Variants in PCP4L1 observed in about 807,000 individuals in gnomAD.
PCP4L1 encodes the protein Purkinje cell protein 4 like 1, also known as Purkinje cell protein 4-like protein 1.
Under a neutral mutation model 9.6 loss-of-function variants are expected in PCP4L1, and 9 were observed. The observed-to-expected ratio is 0.94, with a 90% CI of 0.57 to 1.64. The LOEUF (loss-of-function observed/expected upper bound fraction) is 1.64, where lower values mean the gene tolerates loss of function less well. PCP4L1 is among the 40% of genes most tolerant of loss of function. The probability of loss-of-function intolerance (pLI) is 0.00; values close to 1 mark genes in which losing one functional copy is unlikely to be tolerated. For synonymous variants in PCP4L1, 31 were observed against 28.2 expected (o/e 1.10, Z -0.31); for missense variants, 81 against 80.8 (o/e 1.00, Z -0.01).
chr1:161,275,949 C>A (rs1669692056), intron 1 of PCP4L1, among the ~76,000 whole-genome samples: 1 of 152,014 alleles, frequency 6.6e-6, no homozygotes, highest in Non-Finnish European at 1.5e-5. Flanking sequence ...TTGCCTGCCA[C>A]CACGCCCAGC....
At chr1:161,260,985 G>T (rs923459080) in intron 1 of PCP4L1, among the ~76,000 whole-genome samples, 1 of 152,088 alleles carries the variant, frequency 6.6e-6, no homozygotes, top group Non-Finnish European at 1.5e-5. Context: ...GCTTCTCTAG[G>T]GGCCGAGATC....
At chr1:161,275,527 A>G (rs954972400) in intron 1 of PCP4L1, among the ~76,000 whole-genome samples, 1 of 151,762 alleles carries the variant, frequency 6.6e-6, no homozygotes, top group African/African-American at 2.4e-5. Context: ...AAAAAAAAAA[A>G]AAAAAAAGAA....
At chr1:161,272,850 C>A (rs1371188556) in intron 1 of PCP4L1, among the ~76,000 whole-genome samples, 1 of 151,898 alleles carries the variant, frequency 6.6e-6, no homozygotes, top group Non-Finnish European at 1.5e-5. Flanking sequence ...GATGGAAGGA[C>A]AAGACATCAT....
At position 161,285,217 on chromosome 1, in the gene PCP4L1, A is replaced by T. The variant is rs927602366; in HGVS notation, c.*736A>T. On this transcript the variant is annotated 3_prime_UTR_variant, in exon 3 of 3. Transcript: ENST00000504449. ...AAGGGGGAAATCTCTGAATTTTTTT[A>T]CTGCTGGGAAAAGTGTACTACATGA... The T allele has an allele frequency of 7.9e-5, 12 of 152,352 alleles. No individual in the cohort carries two copies. Among genetic ancestry groups the T allele is most frequent in the African/African-American group, 2.9e-4 (12 of 41,408 alleles). The allele number at this position is 152,352 out of a possible 1,614,324, so 9.4% of individuals were successfully genotyped here. A position where few individuals can be genotyped will look rare whatever the true frequency, so the allele number is the denominator to read the frequency against.
intron 1 of PCP4L1, among the ~76,000 whole-genome samples, chr1:161,268,322 C>T (rs1173662350): frequency 3.3e-5 from 5 of 152,014 alleles, no homozygotes; most frequent in East Asian, 1.9e-4. Context: ...CAGGGCCCTT[C>T]GAGCAATCCC....
At chr1:161,281,225 T>C (rs2102241806) in intron 1 of PCP4L1, among the ~76,000 whole-genome samples, 1 of 151,782 alleles carries the variant, frequency 6.6e-6, no homozygotes, top group African/African-American at 2.4e-5. Flanking sequence ...AAATGAAAAG[T>C]CTCCCATGTC....
chr1:161,278,772 TG>T (rs1450429288), intron 1 of PCP4L1, among the ~76,000 whole-genome samples: 1 of 152,150 alleles, frequency 6.6e-6, no homozygotes, highest in East Asian at 1.9e-4. Flanking sequence ...CCAGCCATGA[TG>T]GTCTTTCTTT....
At chr1:161,259,796 A>G (rs1447555580) in intron 1 of PCP4L1, among the ~76,000 whole-genome samples, 2 of 152,222 alleles carry the variant, frequency 1.3e-5, no homozygotes, top group Admixed American at 6.5e-5. Context: ...CAGTCTGGTT[A>G]GTGGCATCAC....
In PCP4L1 at chr1:161,258,825, C is replaced by A; in HGVS notation, c.-150C>A. The A allele has an allele frequency of 2.4e-6, 3 of 1,229,004 alleles. No homozygotes were observed. The highest frequency in any genetic ancestry group is 3.4e-6 in the Non-Finnish European group (3 of 873,850). 76.1% of individuals were successfully genotyped at this position (1,229,004 alleles called of 1,614,324 possible). ...AGAATCCCGGGTGCCAGCACCAGAG[C>A]AGCGGCTCTCCGCACTAACTCTCCT... On this transcript the variant is annotated 5_prime_UTR_variant, in exon 1 of 3. Transcript: ENST00000504449.
chr1:161,274,458 T>C (rs1669669694), intron 1 of PCP4L1, among the ~76,000 whole-genome samples: 2 of 152,124 alleles, frequency 1.3e-5, no homozygotes, highest in Non-Finnish European at 2.9e-5. Flanking sequence ...CTGTTACAGC[T>C]CTTGCAGTTT....
intron 1 of PCP4L1, 103 bp from the exon 2 acceptor site, chr1:161,283,565 C>T (rs1669857700): frequency 2.9e-6 from 3 of 1,038,186 alleles, no homozygotes; most frequent in Non-Finnish European, 4.2e-6. Context: ...AGGGAATGCA[C>T]CTGGTAATAG....
rs1249495818 is a variant in PCP4L1, at chr1:161,285,329, G to A, written c.*848G>A. On this transcript the variant is annotated 3_prime_UTR_variant, in exon 3 of 3. Coordinates refer to ENST00000504449, the MANE Select transcript of PCP4L1 (RefSeq NM_001102566.2). ...AGGCCACACAAACCAAGTGACTCCTGTAGTTCCCATTTGCCCCACTATGGA... is the reference window on the plus strand; with the variant it reads ...AGGCCACACAAACCAAGTGACTCCTATAGTTCCCATTTGCCCCACTATGGA... 6.6e-6 allele frequency: 1 copy of A among 152,392 alleles called. No individual in the cohort carries two copies. The highest frequency in any genetic ancestry group is 6.5e-5 in the Admixed American group (1 of 15,274). The allele number at this position is 152,392 out of a possible 1,614,324, so 9.4% of individuals were successfully genotyped here. A position where few individuals can be genotyped will look rare whatever the true frequency, so the allele number is the denominator to read the frequency against.
chr1:161,276,725 ATG>A (rs10623211), intron 1 of PCP4L1, among the ~76,000 whole-genome samples: 5 of 146,542 alleles, frequency 3.4e-5, no homozygotes, highest in African/African-American at 1.0e-4. Flanking sequence ...GTATATATAT[ATG>A]TGTGTGTGTG....
intron 1 of PCP4L1, among the ~76,000 whole-genome samples, chr1:161,282,399 G>T (rs1476603163): frequency 6.7e-6 from 1 of 148,288 alleles, no homozygotes; most frequent in Non-Finnish European, 1.5e-5. Context: ...GAGGGAGACC[G>T]TGGGGAGAGG....
At position 161,260,475 on chromosome 1, in the gene PCP4L1, C is replaced by T. The variant is rs527546545; in HGVS notation, c.9+1492C>T. Among the ~76,000 whole-genome samples, 9 of 152,278 alleles carry T rather than the reference C, an allele frequency of 5.9e-5. No individual in the cohort carries two copies. In the East Asian group the frequency reaches 1.5e-3, roughly 26 times the overall value. ...ACTGAGGTCTAGGGTTCATACTACT[C>T]CTCCCACCCCGAGCATTTCTAAATC... On this transcript the variant is annotated intron_variant, in intron 1 of 2. Coordinates refer to ENST00000504449, the MANE Select transcript of PCP4L1 (RefSeq NM_001102566.2).
At chr1:161,265,534 A>AG (rs1274092331) in intron 1 of PCP4L1, among the ~76,000 whole-genome samples, 1 of 152,026 alleles carries the variant, frequency 6.6e-6, no homozygotes, top group Non-Finnish European at 1.5e-5. Context: ...GGGAAAAAAA[A>AG]GCAAGAAGAT....
At chr1:161,262,802 G>A (rs1217037597) in intron 1 of PCP4L1, among the ~76,000 whole-genome samples, 1 of 152,218 alleles carries the variant, frequency 6.6e-6, no homozygotes, top group African/African-American at 2.4e-5. Context: ...TGCAGGCAGA[G>A]AGGATGAAGA....
chr1:161,274,891 A>G (rs917937506), intron 1 of PCP4L1, among the ~76,000 whole-genome samples: 2 of 152,188 alleles, frequency 1.3e-5, no homozygotes, highest in African/African-American at 2.4e-5. Flanking sequence ...TTCAAGGGGC[A>G]TTGTGAGTAA....
intron 1 of PCP4L1, among the ~76,000 whole-genome samples, chr1:161,259,694 C>T (rs114223473): frequency 0.046 from 7,053 of 152,226 alleles, 226 homozygotes; most frequent in Middle Eastern, 0.088. Context: ...AGTGGGGGGT[C>T]AAAGCAGAGA....
Sources: gnomAD v4.1 joint callset for allele counts (sites outside exome capture counted in the v4.1 genomes callset) on GRCh38, gnomAD v4.1.1 for gene constraint, MANE v1.5 for transcripts, NCBI Gene and HGNC (gene_info 2026-07-23, HGNC 2026-07-21) for gene names.